Variants in ATP2B2 observed in about 807,000 individuals in gnomAD.
ATP2B2 encodes plasma membrane calcium-transporting ATPase 2.
ATP2B2 carries 15 observed loss-of-function variants against 120.0 expected under a neutral mutation model. The observed-to-expected ratio is 0.12, with a 90% CI of 0.08 to 0.19. The LOEUF (loss-of-function observed/expected upper bound fraction) is 0.19. Ranked by LOEUF, ATP2B2 falls within the 10% of genes least tolerant of loss-of-function variation. ATP2B2 has a pLI of 1.00. For missense variants in ATP2B2, 1,045 were observed against 1,719.8 expected, an observed-to-expected ratio of 0.61 and a Z score of 6.94; for synonymous variants, 694 against 700.3, an observed-to-expected ratio of 0.99 and a Z score of 0.14.
At chr3:10,633,563 G>T (rs2069933826) in intron 1 of ATP2B2, among the ~76,000 whole-genome samples, 1 of 152,172 alleles carries the variant, frequency 6.6e-6, no homozygotes, top group Non-Finnish European at 1.5e-5. Context: ...CTTCTCTGAT[G>T]GTAATACATG....
At chr3:10,593,739 C>T (rs2068697854) in intron 2 of ATP2B2, among the ~76,000 whole-genome samples, 1 of 152,168 alleles carries the variant, frequency 6.6e-6, no homozygotes, top group African/African-American at 2.4e-5. Context: ...TAAAGAACTT[C>T]TGCACAGCAA....
At chr3:10,625,839 G>A (rs985160073) in intron 1 of ATP2B2, among the ~76,000 whole-genome samples, 4 of 152,178 alleles carry the variant, frequency 2.6e-5, no homozygotes, top group Non-Finnish European at 5.9e-5. Context: ...CCTCCCTGAC[G>A]CTTGCTAAAT....
intron 19 of ATP2B2, among the ~76,000 whole-genome samples, chr3:10,341,072 TGCGCTGCCCCGAGA>T (rs1483835720): frequency 2.0e-5 from 3 of 152,192 alleles, no homozygotes; most frequent in Non-Finnish European, 4.4e-5. Flanking sequence ...CGGGAGGTTT[TGCGCTGCCCCGAGA>T]GTGCTGCTTC....
chr3:10,685,549 T>C (rs913722221), intron 1 of ATP2B2, among the ~76,000 whole-genome samples: 1 of 152,124 alleles, frequency 6.6e-6, no homozygotes, highest in Non-Finnish European at 1.5e-5. Flanking sequence ...TGTGCACGTA[T>C]ACCCCTGTGC....
intron 5 of ATP2B2, among the ~76,000 whole-genome samples, chr3:10,396,396 G>A (rs1262257292): frequency 6.6e-6 from 1 of 152,240 alleles, no homozygotes; most frequent in Non-Finnish European, 1.5e-5. Context: ...TGGACCAACT[G>A]ACCAGAGCGG....
intron 2 of ATP2B2, among the ~76,000 whole-genome samples, chr3:10,421,209 A>C: frequency 6.6e-6 from 1 of 152,100 alleles, no homozygotes; most frequent in East Asian, 1.9e-4. Context: ...GCACAGCATC[A>C]CCTTTGAGCC....
intron 2 of ATP2B2, among the ~76,000 whole-genome samples, chr3:10,445,539 G>A (rs1447382114): frequency 1.3e-5 from 2 of 152,264 alleles, no homozygotes; most frequent in African/African-American, 2.4e-5. Flanking sequence ...CCCAACAGGT[G>A]TCAGGAAAGT....
chr3:10,436,703 C>T (rs1406567195), intron 2 of ATP2B2, among the ~76,000 whole-genome samples: 2 of 152,220 alleles, frequency 1.3e-5, no homozygotes, highest in Non-Finnish European at 2.9e-5. Context: ...TCCTAAGCTG[C>T]CCTCTTGCCT....
intron 3 of ATP2B2, among the ~76,000 whole-genome samples, chr3:10,530,477 A>C (rs2067188367): frequency 6.6e-6 from 1 of 152,310 alleles, no homozygotes; most frequent in Non-Finnish European, 1.5e-5. Flanking sequence ...CTAGTGCGAC[A>C]GCTCCCTGGC....
At position 10,328,928 on chromosome 3, in the gene ATP2B2, G is replaced by A. The variant is rs369563603; in HGVS notation, c.3618C>T (p.Leu1206=). The A allele has an allele frequency of 4.3e-6, 7 of 1,613,898 alleles. No homozygotes were observed. Among genetic ancestry groups the A allele is most frequent in the Admixed American group, 1.7e-5 (1 of 59,982 alleles). ...TGTCGATGGCGCTGTTGTTCTTGTT[G>A]AGGGATGACGGCGGGCTCGAGTTCT... is the stretch of plus-strand genomic sequence containing the variant. ...LKQNSSPPSS[L]NKNNSAIDSG... The change falls in exon 23 of 23, where the codon CTC becomes CTT. Residue 1206 remains leucine, a synonymous_variant. Coordinates refer to ENST00000360273, the MANE Select transcript of ATP2B2 (RefSeq NM_001001331.4).
At chr3:10,433,357 G>A (rs777115934) in intron 2 of ATP2B2, among the ~76,000 whole-genome samples, 6 of 151,984 alleles carry the variant, frequency 3.9e-5, no homozygotes, top group Middle Eastern at 3.2e-3. Context: ...CTTGGCTTTC[G>A]CCCAGCTGAC....
intron 1 of ATP2B2, among the ~76,000 whole-genome samples, chr3:10,484,376 C>T (rs2065543273): frequency 1.3e-5 from 2 of 152,082 alleles, no homozygotes; most frequent in African/African-American, 4.8e-5. Flanking sequence ...GGGTGAGATT[C>T]TAGAAGGGAC....
At chr3:10,618,984 G>A (rs905036788) in intron 2 of ATP2B2, among the ~76,000 whole-genome samples, 54 of 152,120 alleles carry the variant, frequency 3.5e-4, no homozygotes, top group African/African-American at 1.2e-3. Flanking sequence ...GTTGGGTGGG[G>A]CAGGCTCTCT....
intron 2 of ATP2B2, among the ~76,000 whole-genome samples, chr3:10,414,347 C>T (rs2062711922): frequency 1.3e-5 from 2 of 152,178 alleles, no homozygotes; most frequent in Admixed American, 6.5e-5. Context: ...TGGGAATCCA[C>T]AGGCCAGGCA....
chr3:10,432,118 C>T (rs918563773), intron 2 of ATP2B2, among the ~76,000 whole-genome samples: 1 of 152,224 alleles, frequency 6.6e-6, no homozygotes, highest in Non-Finnish European at 1.5e-5. Flanking sequence ...AGAGCAGGGG[C>T]TTGAGCCAGG....
intron 1 of ATP2B2, among the ~76,000 whole-genome samples, chr3:10,656,613 A>G (rs533369800): frequency 2.6e-5 from 4 of 152,362 alleles, no homozygotes; most frequent in Admixed American, 2.6e-4. Flanking sequence ...GCACTGCTAA[A>G]GGCACTTGGG....
At chr3:10,354,839 T>G (rs2060669066) in intron 14 of ATP2B2, among the ~76,000 whole-genome samples, 1 of 152,230 alleles carries the variant, frequency 6.6e-6, no homozygotes, top group African/African-American at 2.4e-5. Context: ...GTTTTCCCTC[T>G]GGCTGAGCCT....
In ATP2B2 at chr3:10,326,941, G is replaced by A. The variant is rs117476753; in HGVS notation, c.*1873C>T. ...GGCTGGGCTGACACAGCCATCGTGA[G>A]GAGGGTCAGCATGAGGAATGGATTT... is the stretch of plus-strand genomic sequence containing the variant. On this transcript the variant is annotated 3_prime_UTR_variant, in exon 23 of 23. Coordinates refer to ENST00000360273, the MANE Select transcript of ATP2B2 (RefSeq NM_001001331.4). The A allele has an allele frequency of 2.9e-3, 1,139 of 398,744 alleles. 14 individuals are homozygous for A. The East Asian group carries it at 0.032, about 11-fold the overall frequency. 24.7% of individuals were successfully genotyped at this position (398,744 alleles called of 1,614,324 possible).
intron 1 of ATP2B2, among the ~76,000 whole-genome samples, chr3:10,481,531 G>A (rs2065413101): frequency 6.6e-6 from 1 of 152,104 alleles, no homozygotes; most frequent in Non-Finnish European, 1.5e-5. Flanking sequence ...CGCTGACTCT[G>A]CTATATTCTA....
Sources: gnomAD v4.1 joint callset for allele counts (sites outside exome capture counted in the v4.1 genomes callset) on GRCh38, gnomAD v4.1.1 for gene constraint, MANE v1.5 for transcripts, NCBI Gene and HGNC (gene_info 2026-07-23, HGNC 2026-07-21) for gene names.